Variants in VPS8 observed in about 807,000 individuals in gnomAD.
VPS8 encodes VPS8 subunit of CORVET complex, also known as vacuolar protein sorting-associated protein 8 homolog.
In VPS8, 129 loss-of-function variants were observed where a neutral mutation model predicts 216.4. The ratio of observed to expected loss-of-function variants is 0.60; its 90% CI spans 0.52 to 0.69. VPS8 has a LOEUF of 0.69. Ranked by LOEUF, VPS8 falls within the 30% of genes least tolerant of loss-of-function variation. The pLI is 0.00. For missense variants in VPS8, 1,531 were observed against 1,683.5 expected (o/e 0.91, Z 1.59); for synonymous variants, 571 against 565.4 (o/e 1.01, Z -0.14).
At chr3:184,879,748 G>C (rs749112305) in intron 21 of VPS8, among the ~76,000 whole-genome samples, 15 of 152,162 alleles carry the variant, frequency 9.9e-5, no homozygotes, top group Non-Finnish European at 1.9e-4. Context: ...TCTGTAGGAA[G>C]TTGAGTCTTT....
intron 42 of VPS8, among the ~76,000 whole-genome samples, chr3:184,984,153 C>T (rs1275176031): frequency 6.6e-4 from 10 of 15,094 alleles, no homozygotes; most frequent in Admixed American, 3.9e-3. Flanking sequence ...CACTGCACTC[C>T]GGCCTGGGCA....
chr3:185,004,353 G>A (rs929638319), intron 45 of VPS8, among the ~76,000 whole-genome samples: 10 of 152,170 alleles, frequency 6.6e-5, no homozygotes, highest in Admixed American at 3.3e-4. Context: ...GGCGGCGCGC[G>A]CCCGCAATCG....
At chr3:184,846,001 G>A (rs1723056238) in intron 8 of VPS8, among the ~76,000 whole-genome samples, 2 of 151,974 alleles carry the variant, frequency 1.3e-5, no homozygotes, top group South Asian at 2.1e-4. Context: ...ATTCCTCTTA[G>A]CAACACAGTG....
chr3:184,920,297 C>T, intron 29 of VPS8, 99 bp downstream of exon 29: 6 of 797,538 alleles, frequency 7.5e-6, no homozygotes, highest in Non-Finnish European at 1.1e-5. Context: ...TAAGTGGTTT[C>T]TTGGAATCAT....
intron 38 of VPS8, among the ~76,000 whole-genome samples, chr3:184,966,445 G>A (rs1747423932): frequency 6.6e-6 from 1 of 152,184 alleles, no homozygotes; most frequent in Non-Finnish European, 1.5e-5. Context: ...GATGACAGAA[G>A]CAGAGGTGGG....
intron 1 of VPS8, among the ~76,000 whole-genome samples, chr3:184,822,122 TC>T (rs1267212154): frequency 6.6e-6 from 1 of 151,970 alleles, no homozygotes; most frequent in African/African-American, 2.4e-5. Context: ...ACTCATAAAG[TC>T]CAGATTCAGA....
chr3:184,978,214 T>A (rs994156174), intron 40 of VPS8, among the ~76,000 whole-genome samples: 1 of 152,164 alleles, frequency 6.6e-6, no homozygotes, highest in Non-Finnish European at 1.5e-5. Flanking sequence ...TTTTCTAGTT[T>A]GTGTGCATAG....
chr3:184,835,049 G>A (rs1400172339), intron 5 of VPS8: 1 of 207,596 alleles, frequency 4.8e-6, no homozygotes, highest in East Asian at 1.1e-4. Flanking sequence ...TTTAGTTGCC[G>A]TCTTGTGTAT....
intron 22 of VPS8, among the ~76,000 whole-genome samples, chr3:184,887,409 CT>C (rs140218240): frequency 2.5e-4 from 37 of 147,382 alleles, no homozygotes; most frequent in Admixed American, 4.0e-4. Context: ...TTTTTTTTTT[CT>C]TTTTTTTTTC....
intron 36 of VPS8, among the ~76,000 whole-genome samples, chr3:184,942,533 C>T (rs559704070): frequency 3.8e-4 from 58 of 152,238 alleles, no homozygotes; most frequent in African/African-American, 1.3e-3. Flanking sequence ...TCTAGCTTTA[C>T]GTTTGTCTAC....
chr3:184,817,091 G>A (rs1246217021), intron 1 of VPS8: 1 of 152,156 alleles, frequency 6.6e-6, no homozygotes, highest in African/African-American at 2.4e-5. Flanking sequence ...TGTTATAAAT[G>A]AGCTAAGTGA....
At chr3:184,948,818 C>T (rs1320019536) in intron 36 of VPS8, among the ~76,000 whole-genome samples, 2 of 152,140 alleles carry the variant, frequency 1.3e-5, no homozygotes, top group African/African-American at 4.8e-5. Flanking sequence ...GACATCCCAG[C>T]CTGTATAGAA....
intron 5 of VPS8, among the ~76,000 whole-genome samples, chr3:184,835,481 G>A (rs975566907): frequency 1.3e-5 from 2 of 152,280 alleles, no homozygotes; most frequent in East Asian, 1.9e-4. Flanking sequence ...TCCATAGACA[G>A]CAGAACTTTT....
intron 28 of VPS8, among the ~76,000 whole-genome samples, chr3:184,917,848 T>G (rs1157499943): frequency 6.6e-6 from 1 of 152,200 alleles, no homozygotes; most frequent in African/African-American, 2.4e-5. Context: ...ATGCATAGAT[T>G]GGGTGGCTCA....
chr3:184,859,205 A>T (rs927054775), intron 14 of VPS8, among the ~76,000 whole-genome samples: 1 of 152,236 alleles, frequency 6.6e-6, no homozygotes, highest in African/African-American at 2.4e-5. Context: ...CTACAGCTGC[A>T]GGCTTCACCT....
chr3:184,848,902 C>T (rs1425330969), intron 8 of VPS8, 169 bp from the exon 9 acceptor site: 5 of 609,714 alleles, frequency 8.2e-6, no homozygotes, highest in South Asian at 3.7e-5. Context: ...TCTAATTCAA[C>T]GCCCAGCATC....
intron 21 of VPS8, among the ~76,000 whole-genome samples, chr3:184,885,430 A>G (rs959826326): frequency 6.6e-6 from 1 of 152,254 alleles, no homozygotes; most frequent in Non-Finnish European, 1.5e-5. Flanking sequence ...ATTATGGATT[A>G]TCATTTACTT....
At position 184,994,047 on chromosome 3, in the gene VPS8, C is replaced by T; in HGVS notation, c.3650C>T (p.Thr1217Ile). The T allele has an allele frequency of 6.4e-7, 1 of 1,561,954 alleles. No individual in the cohort carries two copies. Among genetic ancestry groups the T allele is most frequent in the Non-Finnish European group, 8.7e-7 (1 of 1,153,984 alleles). ...GGACTTATCTTGGGAATGTTAGATACCTTTAACTATGAACAAGTAAGTAAG... is the reference window on the plus strand; with the variant it reads ...GGACTTATCTTGGGAATGTTAGATATCTTTAACTATGAACAAGTAAGTAAG... ...IQGLILGMLD[T>I]FNYEQTLLET... The change falls in exon 43 of 48, where the codon ACC (threonine) becomes ATC (isoleucine). Residue 1217 changes from threonine (T) to isoleucine (I), a missense_variant. Physicochemically the swap from Thr to Ile is moderately conservative, Grantham distance 89. Transcript: ENST00000625842.
chr3:184,926,713 C>T, intron 31 of VPS8, 63 bp downstream of exon 31: 1 of 1,507,452 alleles, frequency 6.6e-7, no homozygotes, highest in South Asian at 1.2e-5. Context: ...AGAAAGAATT[C>T]TTCTGTGCTA....
Sources: allele counts gnomAD v4.1 joint callset (sites outside exome capture counted in the v4.1 genomes callset), GRCh38; gene constraint gnomAD v4.1.1; transcripts MANE v1.5; gene names NCBI Gene and HGNC (gene_info 2026-07-23, HGNC 2026-07-21).